Variants in KCNH1 observed in about 807,000 individuals in gnomAD.
The protein encoded by KCNH1 is potassium voltage-gated channel subfamily H member 1, also known as voltage-gated delayed rectifier potassium channel KCNH1.
In KCNH1, 27 loss-of-function variants were observed where a neutral mutation model predicts 69.2. That is an observed-to-expected ratio of 0.39 (90% CI 0.29 to 0.54). KCNH1 has a LOEUF of 0.54. KCNH1 is among the 20% of genes least tolerant of loss of function. The pLI, the probability that KCNH1 is intolerant of heterozygous loss-of-function variation, is 0.68. For synonymous variants in KCNH1, 456 were observed against 487.7 expected (o/e 0.93, Z 0.86); for missense variants, 798 against 1,261.6 (o/e 0.63, Z 5.57).
chr1:211,006,277 A>G (rs565245684), intron 6 of KCNH1, among the ~76,000 whole-genome samples: 1 of 152,328 alleles, frequency 6.6e-6, no homozygotes, highest in Admixed American at 6.5e-5. Context: ...AGTATGAATA[A>G]TATTCATTTA....
chr1:210,729,984 T>C (rs527333680), intron 10 of KCNH1, among the ~76,000 whole-genome samples: 2 of 152,234 alleles, frequency 1.3e-5, no homozygotes, highest in East Asian at 3.9e-4. Context: ...ATGAGGTCGG[T>C]CAAGAGAGTC....
At position 210,682,921 on chromosome 1, in the gene KCNH1, C is replaced by T; in HGVS notation, c.*360G>A. On this transcript the variant is annotated 3_prime_UTR_variant, in exon 11 of 11. Coordinates refer to ENST00000271751, the MANE Select transcript of KCNH1 (RefSeq NM_172362.3). ...TAGTATATACATGAGAGGTTCTCGGCACTTTCCCACCAGTCCCCAGATGGC... is the reference window on the plus strand; with the variant it reads ...TAGTATATACATGAGAGGTTCTCGGTACTTTCCCACCAGTCCCCAGATGGC... 1 of 255,668 alleles carries T rather than the reference C, an allele frequency of 3.9e-6. No homozygotes were observed. The highest frequency in any genetic ancestry group is 5.4e-5 in the South Asian group (1 of 18,358). 15.8% of individuals were successfully genotyped at this position (255,668 alleles called of 1,614,324 possible). A position where few individuals can be genotyped will look rare whatever the true frequency, so the allele number is the denominator to read the frequency against.
intron 10 of KCNH1, among the ~76,000 whole-genome samples, chr1:210,726,815 G>T (rs555167377): frequency 7.5e-4 from 110 of 146,678 alleles, no homozygotes; most frequent in African/African-American, 2.9e-3. Context: ...CCCGGCGGGG[G>T]TGGGGTGGAC....
At chr1:210,689,340 T>C (rs1355058553) in intron 10 of KCNH1, among the ~76,000 whole-genome samples, 1 of 152,212 alleles carries the variant, frequency 6.6e-6, no homozygotes, top group African/African-American at 2.4e-5. Context: ...GTTCTCCCCT[T>C]GGCCTGGTCC....
At chr1:211,058,325 CT>C (rs2102447001) in intron 5 of KCNH1, among the ~76,000 whole-genome samples, 1 of 152,184 alleles carries the variant, frequency 6.6e-6, no homozygotes, top group South Asian at 2.1e-4. Flanking sequence ...CATATTATAA[CT>C]GTAATTGTGG....
At chr1:210,793,078 C>T (rs1432772918) in intron 9 of KCNH1, among the ~76,000 whole-genome samples, 2 of 152,090 alleles carry the variant, frequency 1.3e-5, no homozygotes, top group African/African-American at 4.8e-5. Flanking sequence ...ATGTGAAAAT[C>T]TCGAATTTAT....
chr1:210,998,687 A>AC (rs1407391333), intron 6 of KCNH1, among the ~76,000 whole-genome samples: 1 of 152,170 alleles, frequency 6.6e-6, no homozygotes, highest in Non-Finnish European at 1.5e-5. Context: ...AGAACTCTCC[A>AC]CCCCAAATCA....
intron 7 of KCNH1, among the ~76,000 whole-genome samples, chr1:210,827,444 T>C (rs1685056498): frequency 6.6e-6 from 1 of 152,248 alleles, no homozygotes; most frequent in Admixed American, 6.5e-5. Flanking sequence ...CATGTACTAC[T>C]ACTTTTCAAG....
intron 6 of KCNH1, among the ~76,000 whole-genome samples, chr1:210,990,464 G>A (rs560070394): frequency 6.6e-6 from 1 of 152,288 alleles, no homozygotes; most frequent in Admixed American, 6.5e-5. Context: ...CAAAGGTCAA[G>A]AAAAGATTCA....
intron 6 of KCNH1, among the ~76,000 whole-genome samples, chr1:210,958,398 C>A (rs1314043830): frequency 6.6e-6 from 1 of 152,102 alleles, no homozygotes; most frequent in Non-Finnish European, 1.5e-5. Flanking sequence ...TGGGGTTGCT[C>A]TTCTCAAAAA....
At chr1:210,813,428 G>A (rs1684747909) in intron 7 of KCNH1, among the ~76,000 whole-genome samples, 1 of 152,214 alleles carries the variant, frequency 6.6e-6, no homozygotes, top group African/African-American at 2.4e-5. Context: ...ATTCATGGAT[G>A]AGGAGGGGCT....
At chr1:211,023,810 T>C (rs768507794) in intron 5 of KCNH1, among the ~76,000 whole-genome samples, 2 of 152,190 alleles carry the variant, frequency 1.3e-5, no homozygotes, top group Non-Finnish European at 2.9e-5. Context: ...ACCCAAAACA[T>C]GCACATCTAA....
chr1:210,990,668 C>G (rs886821492), intron 6 of KCNH1, among the ~76,000 whole-genome samples: 4 of 152,104 alleles, frequency 2.6e-5, no homozygotes, highest in African/African-American at 9.7e-5. Flanking sequence ...GTTTACTCAA[C>G]AGCAAAACAG....
At chr1:211,038,197 G>A (rs547862483) in intron 5 of KCNH1, among the ~76,000 whole-genome samples, 37 of 152,086 alleles carry the variant, frequency 2.4e-4, no homozygotes, top group African/African-American at 6.7e-4. Flanking sequence ...TCCTGACCTC[G>A]TGATCTGCCC....
chr1:210,937,903 C>G (rs1687801938), intron 6 of KCNH1, among the ~76,000 whole-genome samples: 1 of 152,226 alleles, frequency 6.6e-6, no homozygotes, highest in Non-Finnish European at 1.5e-5. Context: ...CTTCTCTTCT[C>G]AATATAGACC....
chr1:210,763,894 A>G (rs144436187), intron 10 of KCNH1, among the ~76,000 whole-genome samples: 1 of 152,136 alleles, frequency 6.6e-6, no homozygotes, highest in Non-Finnish European at 1.5e-5. Context: ...GGAACCAAAA[A>G]ACAGCGCAAA....
intron 10 of KCNH1, among the ~76,000 whole-genome samples, chr1:210,727,070 G>A (rs1316091862): frequency 6.6e-6 from 1 of 152,174 alleles, no homozygotes; most frequent in Non-Finnish European, 1.5e-5. Context: ...GATTACTTAT[G>A]TCTTGATGGT....
At chr1:210,987,030 CA>C (rs2102384994) in intron 6 of KCNH1, among the ~76,000 whole-genome samples, 1 of 152,246 alleles carries the variant, frequency 6.6e-6, no homozygotes, top group South Asian at 2.1e-4. Flanking sequence ...TCATTTCATT[CA>C]TTTCATCTTC....
chr1:211,039,184 G>T (rs1332506317), intron 5 of KCNH1, among the ~76,000 whole-genome samples: 2 of 152,256 alleles, frequency 1.3e-5, no homozygotes, highest in Non-Finnish European at 2.9e-5. Flanking sequence ...TGTGGCTTCA[G>T]AGGATGGACA....
Sources: gnomAD v4.1 joint callset for allele counts (sites outside exome capture counted in the v4.1 genomes callset) on GRCh38, gnomAD v4.1.1 for gene constraint, MANE v1.5 for transcripts, NCBI Gene and HGNC (gene_info 2026-07-23, HGNC 2026-07-21) for gene names.